The following SMCHD1 variants were observed in gnomAD, a reference collection of about 807,000 sequenced individuals.
The protein encoded by SMCHD1 is structural maintenance of chromosomes flexible hinge domain containing 1, also known as structural maintenance of chromosomes flexible hinge domain-containing protein 1.
In SMCHD1, 78 loss-of-function variants were observed where a neutral mutation model predicts 254.7. The ratio of observed to expected loss-of-function variants is 0.31; its 90% CI spans 0.26 to 0.37. The LOEUF (loss-of-function observed/expected upper bound fraction) is 0.37. Ranked by LOEUF, SMCHD1 falls within the 10% of genes least tolerant of loss-of-function variation. The pLI, the probability that SMCHD1 is intolerant of heterozygous loss-of-function variation, is 1.00. For synonymous variants in SMCHD1, 766 were observed against 794.9 expected (o/e 0.96, Z 0.61); for missense variants, 1,840 against 2,408.1 (o/e 0.76, Z 4.94).
At chr18:2,719,119 G>A (rs1009432411) in intron 19 of SMCHD1, among the ~76,000 whole-genome samples, 7 of 150,808 alleles carry the variant, frequency 4.6e-5, no homozygotes, top group African/African-American at 1.7e-4. Context: ...CATGTACCTC[G>A]TATACCCTTT....
intron 1 of SMCHD1, among the ~76,000 whole-genome samples, chr18:2,664,355 A>AC (rs1395680875): frequency 1.1e-3 from 142 of 128,098 alleles, no homozygotes; most frequent in African/African-American, 5.2e-3. Context: ...CTCACATTAA[A>AC]TTTGTTTTTT....
chr18:2,656,800 G>T (rs549924581), intron 1 of SMCHD1, among the ~76,000 whole-genome samples: 1 of 152,184 alleles, frequency 6.6e-6, no homozygotes, highest in Admixed American at 6.5e-5. Flanking sequence ...CGGGGCGGCG[G>T]GGGGGATCCT....
intron 44 of SMCHD1, among the ~76,000 whole-genome samples, chr18:2,782,072 A>G (rs566190254): frequency 2.0e-4 from 31 of 152,248 alleles, no homozygotes; most frequent in Non-Finnish European, 3.1e-4. Flanking sequence ...AATAGCACAT[A>G]TTGATTTCCT....
chr18:2,687,798 T>C (rs536096379), intron 5 of SMCHD1, among the ~76,000 whole-genome samples: 1 of 152,306 alleles, frequency 6.6e-6, no homozygotes, highest in East Asian at 1.9e-4. Flanking sequence ...TCTCTCCAGC[T>C]ATGTCACACC....
At chr18:2,710,999 C>T (rs1043331352) in intron 17 of SMCHD1, among the ~76,000 whole-genome samples, 2 of 151,812 alleles carry the variant, frequency 1.3e-5, no homozygotes, top group African/African-American at 2.4e-5. Context: ...TTTTTTGAGA[C>T]GGGTTCTCAC....
At chr18:2,752,166 T>C (rs2075586526) in intron 33 of SMCHD1, among the ~76,000 whole-genome samples, 1 of 152,206 alleles carries the variant, frequency 6.6e-6, no homozygotes, top group African/African-American at 2.4e-5. Context: ...TTTTGGAAAC[T>C]ATCTTGCTTA....
intron 29 of SMCHD1, 132 bp downstream of exon 29, chr18:2,744,060 C>A: frequency 8.5e-6 from 6 of 704,578 alleles, no homozygotes; most frequent in East Asian, 2.8e-5. Context: ...GTAAAAATAA[C>A]AAAAAAGCAA....
chr18:2,709,533 T>A (rs1045292584), intron 17 of SMCHD1, among the ~76,000 whole-genome samples: 1 of 152,262 alleles, frequency 6.6e-6, no homozygotes, highest in Middle Eastern at 3.4e-3. Context: ...ACTTGTTATT[T>A]CCTGTGGGTT....
chr18:2,675,035 C>T (rs536430933), intron 5 of SMCHD1, among the ~76,000 whole-genome samples: 126 of 152,286 alleles, frequency 8.3e-4, no homozygotes, highest in African/African-American at 2.5e-3. Flanking sequence ...TGGATTCTAG[C>T]CTTGCCACTT....
chr18:2,693,293 A>G (rs73365809), intron 7 of SMCHD1, among the ~76,000 whole-genome samples: 1 of 152,200 alleles, frequency 6.6e-6, no homozygotes, highest in African/African-American at 2.4e-5. Flanking sequence ...ACAGGGATGC[A>G]TTCTGAGAAA....
chr18:2,660,293 CTAGCCT>C (rs2073208939), intron 1 of SMCHD1, among the ~76,000 whole-genome samples: 1 of 152,034 alleles, frequency 6.6e-6, no homozygotes, highest in Non-Finnish European at 1.5e-5. Flanking sequence ...CCGCTGCACT[CTAGCCT>C]GGGTGGCAGA....
intron 23 of SMCHD1, 35 bp downstream of exon 23, chr18:2,728,631 A>G (rs2075071252): frequency 1.3e-6 from 2 of 1,596,918 alleles, no homozygotes; most frequent in East Asian, 2.3e-5. Context: ...ATTGAGTCCC[A>G]TTGTAGTAAG....
intron 1 of SMCHD1, among the ~76,000 whole-genome samples, chr18:2,657,536 T>C (rs2073107271): frequency 6.6e-6 from 1 of 152,198 alleles, no homozygotes; most frequent in African/African-American, 2.4e-5. Flanking sequence ...AAAGAAAATA[T>C]GGAACCAGAG....
chr18:2,801,756 A>G (rs2076366539), intron 47 of SMCHD1, among the ~76,000 whole-genome samples: 1 of 152,172 alleles, frequency 6.6e-6, no homozygotes, highest in South Asian at 2.1e-4. Context: ...AGATTTCATT[A>G]ACTATAAAAA....
intron 10 of SMCHD1, among the ~76,000 whole-genome samples, chr18:2,699,040 T>C (rs2074343560): frequency 6.6e-6 from 1 of 152,214 alleles, no homozygotes; most frequent in Non-Finnish European, 1.5e-5. Context: ...GCATTGAATT[T>C]ATAGGTTAAC....
chr18:2,720,130 T>G (rs1222262117), intron 19 of SMCHD1, among the ~76,000 whole-genome samples: 1 of 152,160 alleles, frequency 6.6e-6, no homozygotes, highest in Non-Finnish European at 1.5e-5. Flanking sequence ...CCCAACCTGT[T>G]CTTTCTTTCT....
chr18:2,719,001 C>CA (rs1374976266), intron 19 of SMCHD1, among the ~76,000 whole-genome samples: 1 of 151,876 alleles, frequency 6.6e-6, no homozygotes, highest in Non-Finnish European at 1.5e-5. Context: ...CCTCCTCCCC[C>CA]AAAACGTTCT....
intron 45 of SMCHD1, among the ~76,000 whole-genome samples, chr18:2,791,685 G>A (rs992272148): frequency 1.3e-5 from 2 of 152,194 alleles, no homozygotes; most frequent in Non-Finnish European, 2.9e-5. Context: ...ACTGCCTAGA[G>A]AGATTTTCCA....
chr18:2,749,757 A>T (rs1055859186), intron 30 of SMCHD1, among the ~76,000 whole-genome samples: 1 of 151,942 alleles, frequency 6.6e-6, no homozygotes, highest in Non-Finnish European at 1.5e-5. Flanking sequence ...CATTTGATCT[A>T]TCAGTGATAT....
Sources: allele counts gnomAD v4.1 joint callset (sites outside exome capture counted in the v4.1 genomes callset), GRCh38; gene constraint gnomAD v4.1.1; transcripts MANE v1.5; gene names NCBI Gene and HGNC (gene_info 2026-07-23, HGNC 2026-07-21).